The following PUM1 variants were observed in gnomAD, a reference collection of about 807,000 sequenced individuals.
The protein encoded by PUM1 is pumilio RNA binding family member 1.
PUM1 carries 13 observed loss-of-function variants against 131.8 expected under a neutral mutation model. That is an observed-to-expected ratio of 0.10 (90% CI 0.06 to 0.16). The LOEUF (loss-of-function observed/expected upper bound fraction) is 0.16. Ranked by LOEUF, PUM1 falls within the 10% of genes least tolerant of loss-of-function variation. PUM1 has a pLI of 1.00. For synonymous variants in PUM1, 509 were observed against 556.5 expected, an observed-to-expected ratio of 0.91 and a Z score of 1.20; for missense variants, 961 against 1,512.4, an observed-to-expected ratio of 0.64 and a Z score of 6.05.
intron 2 of PUM1, among the ~76,000 whole-genome samples, chr1:31,049,979 G>A (rs185953561): frequency 1.6e-4 from 24 of 151,558 alleles, no homozygotes; most frequent in Admixed American, 6.6e-4. Flanking sequence ...ACAGGCACCC[G>A]CCAACACACC....
intron 3 of PUM1, among the ~76,000 whole-genome samples, chr1:31,009,660 C>T (rs1464867267): frequency 6.7e-6 from 1 of 150,210 alleles, no homozygotes; most frequent in African/African-American, 2.4e-5. Context: ...CCCAGCTACT[C>T]GGGAGGCTGA....
chr1:30,964,577 T>C, intron 14 of PUM1, 97 bp downstream of exon 14: 1 of 1,058,874 alleles, frequency 9.4e-7, no homozygotes, highest in Non-Finnish European at 1.4e-6. Context: ...ACTTCTAGTA[T>C]AAAGGGACTG....
chr1:30,977,137 C>A (rs1206235147), intron 9 of PUM1, among the ~76,000 whole-genome samples: 3 of 152,234 alleles, frequency 2.0e-5, no homozygotes, highest in Non-Finnish European at 2.9e-5. Flanking sequence ...GCCTTATACA[C>A]ATAGCCTGGG....
intron 9 of PUM1, among the ~76,000 whole-genome samples, chr1:30,977,185 G>C (rs1641170420): frequency 6.6e-6 from 1 of 152,200 alleles, no homozygotes; most frequent in Non-Finnish European, 1.5e-5. Flanking sequence ...CTGAATAGAT[G>C]AACTGTGTGT....
At chr1:31,036,794 AG>A (rs1485958590) in intron 2 of PUM1, 1 of 153,536 alleles carries the variant, frequency 6.5e-6, no homozygotes, top group African/African-American at 2.4e-5. Flanking sequence ...CACGAGGCAA[AG>A]AACTTACATC....
chr1:30,952,135 G>A, intron 16 of PUM1, 99 bp downstream of exon 16: 1 of 1,184,094 alleles, frequency 8.4e-7, no homozygotes, highest in Non-Finnish European at 1.3e-6. Context: ...CCTTCATTCT[G>A]AGGACTGGAA....
chr1:30,941,891 T>C (rs1639450534), intron 19 of PUM1, 107 bp downstream of exon 19: 1 of 1,220,284 alleles, frequency 8.2e-7, no homozygotes, highest in Non-Finnish European at 1.1e-6. Flanking sequence ...TCAAGGGTAT[T>C]TAAAACACAT....
At chr1:31,035,850 C>A (rs578053625) in intron 2 of PUM1, among the ~76,000 whole-genome samples, 5 of 151,956 alleles carry the variant, frequency 3.3e-5, no homozygotes, top group African/African-American at 1.2e-4. Flanking sequence ...GAGAAAAAAA[C>A]CAAAAAACCT....
intron 5 of PUM1, among the ~76,000 whole-genome samples, chr1:31,005,387 G>A (rs539427046): frequency 2.6e-5 from 4 of 152,094 alleles, no homozygotes; most frequent in Admixed American, 6.6e-5. Flanking sequence ...TAATTAAATC[G>A]TAGCTAACAA....
chr1:30,984,895 A>G (rs1641488908), intron 7 of PUM1, among the ~76,000 whole-genome samples: 1 of 152,134 alleles, frequency 6.6e-6, no homozygotes, highest in African/African-American at 2.4e-5. Flanking sequence ...ATAAGGAGTT[A>G]GTAAATGCAA....
chr1:31,016,639 A>T (rs947147726), intron 3 of PUM1, among the ~76,000 whole-genome samples: 4 of 152,166 alleles, frequency 2.6e-5, no homozygotes, highest in Non-Finnish European at 4.4e-5. Flanking sequence ...CTGTCTAAGA[A>T]TCAACATCTC....
At chr1:31,040,669 A>G (rs1236878951) in intron 2 of PUM1, among the ~76,000 whole-genome samples, 2 of 152,172 alleles carry the variant, frequency 1.3e-5, no homozygotes, top group South Asian at 2.1e-4. Context: ...TGCCAGCTAC[A>G]CAAGGGGGAA....
chr1:30,954,078 C>T, intron 14 of PUM1, 97 bp from the exon 15 acceptor site: 1 of 1,286,608 alleles, frequency 7.8e-7, no homozygotes, highest in Non-Finnish European at 1.1e-6. Flanking sequence ...TGCACCATTT[C>T]TGATTTCTTC....
intron 5 of PUM1, among the ~76,000 whole-genome samples, chr1:31,004,983 A>G (rs940045931): frequency 6.6e-6 from 1 of 152,228 alleles, no homozygotes; most frequent in Non-Finnish European, 1.5e-5. Context: ...AAAAAGTACA[A>G]AACAAGTTTA....
At chr1:31,014,341 T>C (rs1642734635) in intron 3 of PUM1, among the ~76,000 whole-genome samples, 1 of 148,620 alleles carries the variant, frequency 6.7e-6, no homozygotes, top group Non-Finnish European at 1.5e-5. Context: ...TCAAAGTGCT[T>C]GTAAAAATAA....
chr1:30,968,126 G>A (rs1189345011), intron 11 of PUM1: 3 of 709,966 alleles, frequency 4.2e-6, no homozygotes, highest in East Asian at 2.7e-5. Context: ...CATATTCCAA[G>A]CTGCATGGAC....
At chr1:30,944,913 A>T (rs1457153106) in intron 18 of PUM1, among the ~76,000 whole-genome samples, 3 of 152,236 alleles carry the variant, frequency 2.0e-5, no homozygotes, top group Non-Finnish European at 4.4e-5. Flanking sequence ...ACAGTACTAT[A>T]CAGGACTGCT....
At chr1:31,005,555 T>C (rs1053523142) in intron 5 of PUM1, among the ~76,000 whole-genome samples, 2 of 152,164 alleles carry the variant, frequency 1.3e-5, no homozygotes, top group Non-Finnish European at 2.9e-5. Context: ...AAAGTAAAAA[T>C]GGTGTTTTCT....
At chr1:31,038,027 C>T (rs1643671578) in intron 2 of PUM1, among the ~76,000 whole-genome samples, 1 of 149,934 alleles carries the variant, frequency 6.7e-6, no homozygotes, top group Non-Finnish European at 1.5e-5. Context: ...TGCAGTGAGC[C>T]GAGATTTCGC....
Sources: allele counts gnomAD v4.1 joint callset (sites outside exome capture counted in the v4.1 genomes callset), GRCh38; gene constraint gnomAD v4.1.1; transcripts MANE v1.5; gene names NCBI Gene and HGNC (gene_info 2026-07-23, HGNC 2026-07-21).